The following LHFPL3 variants were observed in gnomAD, a reference collection of about 807,000 sequenced individuals.
LHFPL3 encodes the protein LHFPL tetraspan subfamily member 3.
In LHFPL3, 5 loss-of-function variants were observed where a neutral mutation model predicts 19.3. That is an observed-to-expected ratio of 0.26 (90% confidence interval 0.14 to 0.54). The LOEUF (loss-of-function observed/expected upper bound fraction) is 0.54. Among genes scored for constraint, LHFPL3 ranks in the 20% least tolerant of loss-of-function variants. LHFPL3 has a pLI of 0.94. For synonymous variants in LHFPL3, 133 were observed against 126.2 expected, an observed-to-expected ratio of 1.05 and a Z score of -0.36; for missense variants, 249 against 307.4, an observed-to-expected ratio of 0.81 and a Z score of 1.42.
chr7:104,595,043 A>C (rs373565935), intron 1 of LHFPL3, among the ~76,000 whole-genome samples: 1 of 152,206 alleles, frequency 6.6e-6, no homozygotes, highest in African/African-American at 2.4e-5. Flanking sequence ...ACTTCTGTCA[A>C]CTTCTCAAAG....
At chr7:104,860,253 T>C (rs531516433) in intron 2 of LHFPL3, among the ~76,000 whole-genome samples, 6 of 151,892 alleles carry the variant, frequency 4.0e-5, no homozygotes, top group South Asian at 2.1e-4. Flanking sequence ...TGTGCAAACT[T>C]ACTCGGCTCT....
chr7:104,830,546 C>T (rs993822990), intron 2 of LHFPL3, among the ~76,000 whole-genome samples: 24 of 151,864 alleles, frequency 1.6e-4, no homozygotes, highest in Non-Finnish European at 3.1e-4. Context: ...CAGCTTTCTA[C>T]ATATGGCTAG....
intron 2 of LHFPL3, among the ~76,000 whole-genome samples, chr7:104,779,483 G>A (rs559591259): frequency 3.3e-5 from 5 of 152,248 alleles, no homozygotes; most frequent in African/African-American, 1.2e-4. Context: ...ATGGGAGTCT[G>A]TGACGCCCAG....
At chr7:104,870,190 A>G (rs2116657225) in intron 2 of LHFPL3, among the ~76,000 whole-genome samples, 1 of 152,304 alleles carries the variant, frequency 6.6e-6, no homozygotes, top group Non-Finnish European at 1.5e-5. Context: ...ATGTATACAT[A>G]TGTAACAAAC....
At chr7:104,860,302 C>T (rs1296757622) in intron 2 of LHFPL3, among the ~76,000 whole-genome samples, 1 of 152,088 alleles carries the variant, frequency 6.6e-6, no homozygotes, top group Non-Finnish European at 1.5e-5. Flanking sequence ...TGAAATAATC[C>T]ACTGCTGAAT....
chr7:104,774,806 A>G (rs957918433), intron 2 of LHFPL3, among the ~76,000 whole-genome samples: 1 of 152,156 alleles, frequency 6.6e-6, no homozygotes, highest in Admixed American at 6.5e-5. Context: ...CTCTGTTTGT[A>G]GTATAAGGAG....
intron 2 of LHFPL3, among the ~76,000 whole-genome samples, chr7:104,893,053 A>G (rs1792283794): frequency 6.6e-6 from 1 of 152,014 alleles, no homozygotes. Flanking sequence ...AGAAAAAAAA[A>G]TGTTTTTAAT....
At chr7:104,676,515 A>G (rs1792594719) in intron 1 of LHFPL3, among the ~76,000 whole-genome samples, 1 of 152,216 alleles carries the variant, frequency 6.6e-6, no homozygotes, top group Non-Finnish European at 1.5e-5. Flanking sequence ...TAAACTTCCC[A>G]TGTGATGTGT....
Position 104,494,880 on chromosome 7 carries a change from A to G in LHFPL3, c.445+165656A>G, listed in dbSNP as rs116170495. Reference sequence around the variant, plus strand: ...TTCACACAACCCCCAGCTGGGGTACAAATACTAGATCCCCAACAAGACTCT... The same window carrying G: ...TTCACACAACCCCCAGCTGGGGTACGAATACTAGATCCCCAACAAGACTCT... On this transcript the variant is annotated intron_variant, in intron 1 of 2. Coordinates refer to ENST00000424859, the MANE Select transcript of LHFPL3 (RefSeq NM_199000.3). 5.8e-3 allele frequency among the ~76,000 whole-genome samples: 883 copies of G among 152,166 alleles called. 7 individuals carry two copies. The highest frequency in any genetic ancestry group is 0.02 in the African/African-American group (846 of 41,514).
At chr7:104,650,824 A>T (rs1297359982) in intron 1 of LHFPL3, among the ~76,000 whole-genome samples, 1 of 152,212 alleles carries the variant, frequency 6.6e-6, no homozygotes, top group Non-Finnish European at 1.5e-5. Flanking sequence ...ATTAAAGCAA[A>T]ATGGACAACC....
intron 2 of LHFPL3, among the ~76,000 whole-genome samples, chr7:104,850,301 A>C (rs534574892): frequency 6.6e-6 from 1 of 152,184 alleles, no homozygotes; most frequent in Non-Finnish European, 1.5e-5. Flanking sequence ...AAACTCCGTC[A>C]CAAAAAATAA....
rs377515663 is a variant in LHFPL3 at position 104,812,370 on chromosome 7, A to C, written c.682+75459A>C. Among the ~76,000 whole-genome samples, 46 of 152,378 alleles carry C rather than the reference A, an allele frequency of 3.0e-4. No individual in the cohort carries two copies. In the East Asian group the frequency reaches 4.2e-3, roughly 14 times the overall value. ...GAAATCTATACAGCAAGGGAAATGA[A>C]AGAACCACAACTATCTACAACAACA... is the stretch of plus-strand genomic sequence containing the variant. On this transcript the variant is annotated intron_variant, in intron 2 of 2. Transcript: ENST00000424859.
intron 2 of LHFPL3, among the ~76,000 whole-genome samples, chr7:104,859,416 C>A (rs1339225267): frequency 1.3e-5 from 2 of 152,080 alleles, no homozygotes; most frequent in Non-Finnish European, 2.9e-5. Flanking sequence ...TGCCTGTAAT[C>A]CCAGAACTTT....
chr7:104,491,135 G>C (rs1793338809), intron 1 of LHFPL3, among the ~76,000 whole-genome samples: 1 of 136,548 alleles, frequency 7.3e-6, no homozygotes, highest in Non-Finnish European at 1.7e-5. Flanking sequence ...AGACAACTTA[G>C]GGTTGAGATT....
rs142676572 is a variant in LHFPL3, at chr7:104,461,437, C to G, written c.445+132213C>G. ...ATCTGCATATGACTAGCCAGTTATC[C>G]CAGCACCAATTATTGAATAGTGAGT... is the stretch of plus-strand genomic sequence containing the variant. On this transcript the variant is annotated intron_variant, in intron 1 of 2. Transcript: ENST00000424859. Among the ~76,000 whole-genome samples the G allele has an allele frequency of 5.3e-5, 8 of 152,256 alleles. No individual in the cohort carries two copies. The East Asian group carries it at 1.5e-3, about 29-fold the overall frequency.
chr7:104,874,398 T>A (rs1342651420), intron 2 of LHFPL3, among the ~76,000 whole-genome samples: 1 of 141,756 alleles, frequency 7.1e-6, no homozygotes, highest in Non-Finnish European at 1.5e-5. Context: ...TGCTTTTTTT[T>A]TTTTTTTTGG....
At chr7:104,466,850 C>T (rs529479351) in intron 1 of LHFPL3, among the ~76,000 whole-genome samples, 65 of 152,282 alleles carry the variant, frequency 4.3e-4, no homozygotes, top group Admixed American at 1.4e-3. Context: ...TCAGCATCTG[C>T]GGTAAGAGTT....
At chr7:104,345,540 T>C (rs564583702) in intron 1 of LHFPL3, among the ~76,000 whole-genome samples, 9 of 152,284 alleles carry the variant, frequency 5.9e-5, no homozygotes, top group African/African-American at 1.7e-4. Flanking sequence ...TGAGCAGGAA[T>C]TGCCTGCAAC....
In LHFPL3 at chr7:104,587,186, T is replaced by G. The variant is rs1790597049; in HGVS notation, c.446-149489T>G. 2.0e-5 allele frequency among the ~76,000 whole-genome samples: 3 copies of G among 152,220 alleles called. No homozygotes were observed. The South Asian group carries it at 6.2e-4, about 32-fold the overall frequency. On this transcript the variant is annotated intron_variant, in intron 1 of 2. Coordinates refer to ENST00000424859, the MANE Select transcript of LHFPL3 (RefSeq NM_199000.3). ...GCACAACGTGCAGGTCTGTTACATA[T>G]GTATACATGTGCCATGTTGGTGTGC...
Sources: gnomAD v4.1 joint callset for allele counts (sites outside exome capture counted in the v4.1 genomes callset) on GRCh38, gnomAD v4.1.1 for gene constraint, MANE v1.5 for transcripts, NCBI Gene and HGNC (gene_info 2026-07-23, HGNC 2026-07-21) for gene names.